Variants in ADAMTS10 observed in about 807,000 individuals in gnomAD.
The protein encoded by ADAMTS10 is ADAM metallopeptidase with thrombospondin type 1 motif 10.
ADAMTS10 carries 48 observed loss-of-function variants against 135.9 expected under a neutral mutation model. The observed-to-expected ratio is 0.35, with a 90% CI of 0.28 to 0.45. The LOEUF (loss-of-function observed/expected upper bound fraction) is 0.45. ADAMTS10 is among the 20% of genes least tolerant of loss of function. The pLI, the probability that ADAMTS10 is intolerant of heterozygous loss-of-function variation, is 1.00. For synonymous variants in ADAMTS10, 621 were observed against 647.5 expected (o/e 0.96, Z 0.62); for missense variants, 1,131 against 1,565.2 (o/e 0.72, Z 4.68).
chr19:8,580,853 G>T lies in ADAMTS10; in HGVS notation c.*40C>A. The T allele has an allele frequency of 6.6e-7, 1 of 1,519,100 alleles. No homozygotes were observed. The highest frequency in any genetic ancestry group is 9.0e-7 in the Non-Finnish European group (1 of 1,116,620). 94.1% of individuals were successfully genotyped at this position (1,519,100 alleles called of 1,614,324 possible). ...GCCGGCCCGCTGCAGGGCTGGCGGC[G>T]GAGACCCCGCCAGCTGTGGCTCCGG... On this transcript the variant is annotated 3_prime_UTR_variant, in exon 26 of 26. Transcript: ENST00000597188.
chr19:8,581,130 C>CTTTTTTT lies in ADAMTS10; in HGVS notation c.3203-135_3203-129dup, dbSNP rs369050914. On this transcript the variant is annotated intron_variant, in intron 25 of 25. Transcript: ENST00000597188. ...CTTGGTTTCTTTCTTTTTAAATTTA[C>CTTTTTTT]TTTTTTTTTTTTTTTTTTTTTTTTT... 9.5e-4 allele frequency: 140 copies of CTTTTTTT among 147,264 alleles called. 10 individuals carry two copies. The highest frequency in any genetic ancestry group is 4.8e-3 in the African/African-American group (88 of 18,364). 9.1% of individuals were successfully genotyped at this position (147,264 alleles called of 1,614,324 possible).
intron 6 of ADAMTS10, among the ~76,000 whole-genome samples, chr19:8,597,651 T>C (rs765681711): frequency 2.0e-5 from 3 of 151,676 alleles, no homozygotes; most frequent in Non-Finnish European, 4.4e-5. Flanking sequence ...TTGTTGTTGT[T>C]GTTTTTTGAG....
intron 6 of ADAMTS10, among the ~76,000 whole-genome samples, chr19:8,597,717 T>G (rs1555740595): frequency 6.6e-6 from 1 of 152,222 alleles, no homozygotes; most frequent in Non-Finnish European, 1.5e-5. Context: ...CTCAGCTCAC[T>G]GTAACCTCCA....
Position 8,592,115 on chromosome 19 carries a change from G to A in ADAMTS10, c.1588-12C>T. The A allele has an allele frequency of 1.9e-6, 3 of 1,613,608 alleles. No homozygotes were observed. The highest frequency in any genetic ancestry group is 2.5e-6 in the Non-Finnish European group (3 of 1,180,012). On this transcript the variant is annotated splice_polypyrimidine_tract_variant and intron_variant, in intron 13 of 25. Transcript: ENST00000597188. ...CGTTTGTAGCACCACTGGGTGGGGG[G>A]AGACAGGAAGGAGTGAGTCCAGCCC...
chr19:8,607,533 T>G (rs543784323), intron 2 of ADAMTS10, among the ~76,000 whole-genome samples: 8 of 152,234 alleles, frequency 5.3e-5, no homozygotes, highest in African/African-American at 1.9e-4. Flanking sequence ...ACCCTCCTCC[T>G]CCTCTGTGCA....
In ADAMTS10 at chr19:8,601,408, C is replaced by G. The variant is rs1555741594; in HGVS notation, c.593-263G>C. 6.7e-6 allele frequency among the ~76,000 whole-genome samples: 1 copy of G among 148,656 alleles called. No homozygotes were observed. Among genetic ancestry groups the G allele is most frequent in the Non-Finnish European group, 1.5e-5 (1 of 67,646 alleles). On this transcript the variant is annotated intron_variant, in intron 5 of 25. Transcript: ENST00000597188. This position sits in a 1 kb window ranked among gnomAD's most constrained non-coding sequence, Gnocchi z 4.6. ...ACGGAGTATCATTCTGTCACCCAGG[C>G]TGGACTGCAGTGGTGCGATCTTGGC... is the stretch of plus-strand genomic sequence containing the variant.
chr19:8,585,355 G>T (rs1475543277), intron 23 of ADAMTS10, 47 bp from the exon 24 acceptor site: 34 of 1,533,792 alleles, frequency 2.2e-5, no homozygotes, highest in Non-Finnish European at 2.8e-5. Flanking sequence ...GCCCCAGTGC[G>T]AAGTGAGGAG....
chr19:8,605,233 C>T lies in ADAMTS10; in HGVS notation c.214G>A (p.Ala72Thr), dbSNP rs782383712. ...RRQRRGTGAT[A>T]ESRLFYKVAS... ...ACTTTGTAGAAGAGGCGGGACTCGGCTGTGGCCCCCGTGCCGCGGCGCTGC... is the reference window on the plus strand; with the variant it reads ...ACTTTGTAGAAGAGGCGGGACTCGGTTGTGGCCCCCGTGCCGCGGCGCTGC... The change falls in exon 4 of 26, where the codon GCC becomes ACC. Residue 72 changes from alanine to threonine, a missense_variant. Transcript: ENST00000597188. The surrounding 1 kb of genome is among the most constrained non-coding windows in gnomAD (Gnocchi z 7.7). 6.2e-7 allele frequency: 1 copy of T among 1,613,522 alleles called. No individual in the cohort carries two copies. Among genetic ancestry groups the T allele is most frequent in the Non-Finnish European group, 8.5e-7 (1 of 1,179,746 alleles).
rs781874034 is a variant in ADAMTS10, at chr19:8,585,436, G to C, written c.2865+20C>G. 20 of 1,537,270 alleles carry C rather than the reference G, an allele frequency of 1.3e-5. No individual in the cohort carries two copies. Among genetic ancestry groups the C allele is most frequent in the Non-Finnish European group, 1.8e-5 (20 of 1,142,486 alleles). Reference sequence around the variant, plus strand: ...CCCACCTGGGCATCCCAGTGGGCGCGAAGGAAGGGGGCGGCTGACCTCAGA... The same window carrying C: ...CCCACCTGGGCATCCCAGTGGGCGCCAAGGAAGGGGGCGGCTGACCTCAGA... On this transcript the variant is annotated intron_variant, in intron 23 of 25. Transcript: ENST00000597188.
At chr19:8,607,645 G>C (rs73922179) in intron 2 of ADAMTS10, among the ~76,000 whole-genome samples, 3 of 152,134 alleles carry the variant, frequency 2.0e-5, no homozygotes, top group Non-Finnish European at 2.9e-5. Flanking sequence ...AGCCCCAAGG[G>C]AGGGAGCCAG....
intron 5 of ADAMTS10, 63 bp downstream of exon 5, chr19:8,603,665 A>G: frequency 1.2e-6 from 2 of 1,606,342 alleles, no homozygotes; most frequent in East Asian, 2.2e-5. Context: ...ATAAAAAGAC[A>G]CTGCTGCCTC....
chr19:8,610,030 C>T (rs1043008537), intron 1 of ADAMTS10, among the ~76,000 whole-genome samples: 4 of 151,940 alleles, frequency 2.6e-5, no homozygotes. Context: ...CAAATACACG[C>T]ACCCGGGGCC....
At chr19:8,593,668 T>C (rs927629991) in intron 12 of ADAMTS10, among the ~76,000 whole-genome samples, 1 of 152,022 alleles carries the variant, frequency 6.6e-6, no homozygotes, top group Non-Finnish European at 1.5e-5. Context: ...CCCCAGTGAG[T>C]TCAGGTGAAG....
At chr19:8,594,497 A>G (rs1555739774) in intron 12 of ADAMTS10, among the ~76,000 whole-genome samples, 1 of 152,216 alleles carries the variant, frequency 6.6e-6, no homozygotes, top group Non-Finnish European at 1.5e-5. Context: ...ACTAAAAGGA[A>G]GGCTCAATTC....
intron 12 of ADAMTS10, chr19:8,593,218 C>A (rs1555739572): frequency 2.9e-6 from 1 of 347,732 alleles, no homozygotes. Context: ...AATTCAGAGT[C>A]TGTGCTCTAA....
chr19:8,598,308 C>A (rs985081094), intron 6 of ADAMTS10, among the ~76,000 whole-genome samples: 1 of 152,004 alleles, frequency 6.6e-6, no homozygotes, highest in Non-Finnish European at 1.5e-5. Context: ...GCTTACCCCC[C>A]TGACTGCCTC....
chr19:8,598,058 C>T (rs1212039023), intron 6 of ADAMTS10, among the ~76,000 whole-genome samples: 7 of 152,182 alleles, frequency 4.6e-5, no homozygotes, highest in African/African-American at 2.4e-5. Context: ...AAGCGATCCT[C>T]CTGTCCTGGC....
chr19:8,588,830 C>T (rs5028419), intron 18 of ADAMTS10, among the ~76,000 whole-genome samples: 2,999 of 151,918 alleles, frequency 0.02, 52 homozygotes, highest in Non-Finnish European at 0.028. Flanking sequence ...CTCGCTCTGT[C>T]GCCCAGACTG....
At chr19:8,607,461 C>T (rs901083127) in intron 2 of ADAMTS10, among the ~76,000 whole-genome samples, 3 of 152,178 alleles carry the variant, frequency 2.0e-5, no homozygotes, top group Admixed American at 2.0e-4. Context: ...GCCAGCCTGC[C>T]GCAGACACCA....
Sources: gnomAD v4.1 joint callset for allele counts (sites outside exome capture counted in the v4.1 genomes callset) on GRCh38, gnomAD v4.1.1 for gene constraint, Gnocchi (gnomAD v3.1) non-coding constraint, MANE v1.5 for transcripts, NCBI Gene and HGNC (gene_info 2026-07-23, HGNC 2026-07-21) for gene names.